The following PCBP3 variants were observed in gnomAD, a reference collection of about 807,000 sequenced individuals.
PCBP3 encodes the protein poly(rC) binding protein 3.
In PCBP3, 25 loss-of-function variants were observed where a neutral mutation model predicts 52.7. The observed-to-expected ratio is 0.47, with a 90% CI of 0.35 to 0.66. PCBP3 has a LOEUF of 0.66. PCBP3 is among the 30% of genes least tolerant of loss of function. The pLI is 0.01. For missense variants in PCBP3, 391 were observed against 490.3 expected (o/e 0.80, Z 1.91); for synonymous variants, 162 against 183.0 (o/e 0.89, Z 0.93).
intron 4 of PCBP3, among the ~76,000 whole-genome samples, chr21:45,780,883 G>T (rs999702318): frequency 2.0e-5 from 3 of 152,114 alleles, no homozygotes; most frequent in African/African-American, 4.8e-5. Flanking sequence ...GGGAATTTTA[G>T]TTTGTGGGTT....
chr21:45,785,238 T>C (rs1267833215), intron 4 of PCBP3, among the ~76,000 whole-genome samples: 1 of 149,078 alleles, frequency 6.7e-6, no homozygotes, highest in African/African-American at 2.5e-5. Context: ...CCACCCCGTC[T>C]GGGAAGTGAG....
chr21:45,724,837 G>A lies in PCBP3; in HGVS notation c.-199-10555G>A, dbSNP rs73232736. Among the ~76,000 whole-genome samples the A allele has an allele frequency of 0.091, 13,818 of 152,188 alleles. 811 individuals are homozygous for A. Among genetic ancestry groups the A allele is most frequent in the Non-Finnish European group, 0.13 (8,832 of 68,010 alleles). Reference sequence around the variant, plus strand: ...GGTCTGAGAAAGTGGGTGGCAGGAGGACAGGACGGCCTCTCTGTGAGGGAG... The same window carrying A: ...GGTCTGAGAAAGTGGGTGGCAGGAGAACAGGACGGCCTCTCTGTGAGGGAG... On this transcript the variant is annotated intron_variant, in intron 2 of 17. Coordinates refer to ENST00000681687, the MANE Select transcript of PCBP3 (RefSeq NM_001384156.1). This position sits in a 1 kb window ranked among gnomAD's most constrained non-coding sequence, Gnocchi z 5.3.
intron 2 of PCBP3, among the ~76,000 whole-genome samples, chr21:45,672,591 T>A (rs982969900): frequency 2.0e-5 from 3 of 152,098 alleles, no homozygotes; most frequent in Admixed American, 1.3e-4. Flanking sequence ...TTTCTAGTCT[T>A]CCAGCTACTT....
chr21:45,807,549 G>C (rs2092546846), intron 4 of PCBP3, among the ~76,000 whole-genome samples: 1 of 152,038 alleles, frequency 6.6e-6, no homozygotes. Flanking sequence ...ACAAATAAAT[G>C]AAAAAACATT....
chr21:45,747,037 T>A (rs1022553530), intron 3 of PCBP3, among the ~76,000 whole-genome samples: 1 of 152,166 alleles, frequency 6.6e-6, no homozygotes, highest in Non-Finnish European at 1.5e-5. Context: ...TTTCATACTG[T>A]TATGAAGAGA....
intron 8 of PCBP3, 32 bp from the exon 9 acceptor site, chr21:45,900,965 A>G (rs374185685): frequency 4.7e-5 from 72 of 1,521,794 alleles, no homozygotes; most frequent in Non-Finnish European, 6.5e-5. Context: ...GGTTTTAATC[A>G]GGTCGCTGGG....
intron 4 of PCBP3, among the ~76,000 whole-genome samples, chr21:45,848,605 G>A (rs555434794): frequency 6.6e-6 from 1 of 152,230 alleles, no homozygotes; most frequent in Non-Finnish European, 1.5e-5. Flanking sequence ...CTCATTTCTA[G>A]GCTAATTGTG....
chr21:45,918,217 G>A (rs948211831), intron 13 of PCBP3: 4 of 162,206 alleles, frequency 2.5e-5, no homozygotes, highest in South Asian at 1.8e-4. Flanking sequence ...CGGGCCATGC[G>A]GAGCTGGGTC....
In PCBP3 at chr21:45,865,138, C is replaced by T. The variant is rs118041154; in HGVS notation, c.10+15043C>T. 8.3e-3 allele frequency among the ~76,000 whole-genome samples: 1,263 copies of T among 152,222 alleles called. 11 individuals carry two copies. Among genetic ancestry groups the T allele is most frequent in the Middle Eastern group, 0.02 (6 of 294 alleles). On this transcript the variant is annotated intron_variant, in intron 5 of 17. Coordinates refer to ENST00000681687, the MANE Select transcript of PCBP3 (RefSeq NM_001384156.1). ...TTTATGATTATAAATGCTTCTTTTA[C>T]GCTTGGGGAAAGTCCCACTTATTTT...
intron 1 of PCBP3, among the ~76,000 whole-genome samples, chr21:45,650,268 G>GT (rs1176966658): frequency 1.3e-5 from 2 of 152,104 alleles, no homozygotes; most frequent in African/African-American, 4.8e-5. Flanking sequence ...AGGCTGGGAG[G>GT]TTGAAGCTGC....
chr21:45,885,999 T>C (rs1296501449), intron 5 of PCBP3, among the ~76,000 whole-genome samples: 3 of 152,378 alleles, frequency 2.0e-5, no homozygotes, highest in African/African-American at 7.2e-5. Context: ...TCTGTTTAGC[T>C]GGCTGCCTCT....
At chr21:45,825,397 G>A (rs539391219) in intron 4 of PCBP3, among the ~76,000 whole-genome samples, 2 of 152,198 alleles carry the variant, frequency 1.3e-5, no homozygotes, top group South Asian at 2.1e-4. Flanking sequence ...TGTCCCCGCC[G>A]CCGTGGAGAG....
At chr21:45,835,430 C>T (rs560548959) in intron 4 of PCBP3, among the ~76,000 whole-genome samples, 11 of 152,286 alleles carry the variant, frequency 7.2e-5, no homozygotes, top group East Asian at 5.8e-4. Context: ...ACACTGGCCC[C>T]GGGTCTCTAC....
At chr21:45,750,198 C>T (rs1326281128) in intron 3 of PCBP3, 2 of 152,390 alleles carry the variant, frequency 1.3e-5, no homozygotes, top group East Asian at 1.9e-4. Context: ...TTTGGCTTCT[C>T]CCGACTTTGG....
chr21:45,820,803 T>C (rs2093110384), intron 4 of PCBP3, among the ~76,000 whole-genome samples: 1 of 152,110 alleles, frequency 6.6e-6, no homozygotes, highest in Non-Finnish European at 1.5e-5. Context: ...TTTAGAAATA[T>C]CCTGGTGGGA....
chr21:45,863,898 A>G (rs550855002), intron 5 of PCBP3, among the ~76,000 whole-genome samples: 1 of 152,290 alleles, frequency 6.6e-6, no homozygotes, highest in Non-Finnish European at 1.5e-5. Flanking sequence ...GAGGAACCGC[A>G]TAGCCGTGCA....
intron 4 of PCBP3, among the ~76,000 whole-genome samples, chr21:45,785,353 C>T: frequency 6.7e-6 from 1 of 150,092 alleles, no homozygotes; most frequent in African/African-American, 2.5e-5. Flanking sequence ...GGGTCAGCCC[C>T]CCGCCCGGCC....
rs979917622 is a variant in PCBP3 at position 45,909,572 on chromosome 21, C to T, written c.471+86C>T. The stretch of plus-strand genomic sequence containing the variant: ...CCACAGGCCAGGCAGCCTTCCTGAG[C>T]CTTGTCCCTGCTGTCTGCAAGCCCA... On this transcript the variant is annotated intron_variant, in intron 10 of 17. Coordinates refer to ENST00000681687, the MANE Select transcript of PCBP3 (RefSeq NM_001384156.1). The T allele has an allele frequency of 2.2e-5, 31 of 1,378,914 alleles. No individual in the cohort carries two copies. In the South Asian group the frequency reaches 3.8e-4, roughly 17 times the overall value. 85.4% of individuals were successfully genotyped at this position (1,378,914 alleles called of 1,614,324 possible).
In PCBP3 at chr21:45,724,976, G is replaced by T. The variant is rs116237228; in HGVS notation, c.-199-10416G>T. Among the ~76,000 whole-genome samples, 9 of 152,154 alleles carry T rather than the reference G, an allele frequency of 5.9e-5. No homozygotes were observed. Among genetic ancestry groups the T allele is most frequent in the African/African-American group, 2.2e-4 (9 of 41,432 alleles). On this transcript the variant is annotated intron_variant, in intron 2 of 17. Coordinates refer to ENST00000681687, the MANE Select transcript of PCBP3 (RefSeq NM_001384156.1). The surrounding 1 kb of genome is among the most constrained non-coding windows in gnomAD (Gnocchi z 5.3). ...TAGCTCAAATAAACTGTTGTGAGCC[G>T]TTAAGTATGGCAGTTTGTATCATGG...
Sources: gnomAD v4.1 joint callset for allele counts (sites outside exome capture counted in the v4.1 genomes callset) on GRCh38, gnomAD v4.1.1 for gene constraint, Gnocchi (gnomAD v3.1) non-coding constraint, MANE v1.5 for transcripts, NCBI Gene and HGNC (gene_info 2026-07-23, HGNC 2026-07-21) for gene names.